Variants in UBAP2 observed in about 807,000 individuals in gnomAD.
UBAP2 encodes the protein ubiquitin-associated protein 2.
UBAP2 carries 75 observed loss-of-function variants against 139.6 expected under a neutral mutation model. The observed-to-expected ratio is 0.54, with a 90% CI of 0.45 to 0.65. The LOEUF (loss-of-function observed/expected upper bound fraction) is 0.65, where lower values mean the gene tolerates loss of function less well. Ranked by LOEUF, UBAP2 falls within the 30% of genes least tolerant of loss-of-function variation. The pLI is 0.00. For synonymous variants in UBAP2, 526 were observed against 526.2 expected, an observed-to-expected ratio of 1.00 and a Z score of 0.01; for missense variants, 1,368 against 1,369.6, an observed-to-expected ratio of 1.00 and a Z score of 0.02.
At position 33,924,215 on chromosome 9, in the gene UBAP2, G is replaced by GATT; in HGVS notation, c.2578_2580dup (p.Asn860dup). ...CATTGAGCAAACTCACCTGGATATGGATTATTAGCTAGGCTCCCATCTCGG... is the reference window on the plus strand; with the variant it reads ...CATTGAGCAAACTCACCTGGATATGGATTATTATTAGCTAGGCTCCCATCTCGG... On this transcript the variant is annotated inframe_insertion, in exon 23 of 29. Coordinates refer to ENST00000379238, the MANE Select transcript of UBAP2 (RefSeq NM_001370062.2). 6.2e-7 allele frequency: 1 copy of GATT among 1,614,196 alleles called. No individual in the cohort carries two copies. The highest frequency in any genetic ancestry group is 1.3e-5 in the African/African-American group (1 of 75,054).
At chr9:33,978,822 G>C (rs892745533) in intron 6 of UBAP2, among the ~76,000 whole-genome samples, 1 of 152,184 alleles carries the variant, frequency 6.6e-6, no homozygotes, top group African/African-American at 2.4e-5. Context: ...GAACTAATCT[G>C]AGTCACTAAA....
chr9:33,965,609 T>C (rs1237023285), intron 8 of UBAP2, among the ~76,000 whole-genome samples: 1 of 152,228 alleles, frequency 6.6e-6, no homozygotes, highest in African/African-American at 2.4e-5. Flanking sequence ...AGGGTAATTT[T>C]TGTATACAGT....
intron 12 of UBAP2, among the ~76,000 whole-genome samples, chr9:33,950,812 C>G (rs750143355): frequency 6.6e-6 from 1 of 152,190 alleles, no homozygotes; most frequent in Non-Finnish European, 1.5e-5. Flanking sequence ...CTGCCATGTC[C>G]TAGGTAATAC....
At chr9:33,955,512 T>G (rs759699957) in intron 11 of UBAP2, among the ~76,000 whole-genome samples, 10 of 135,176 alleles carry the variant, frequency 7.4e-5, no homozygotes, top group Non-Finnish European at 1.6e-4. Flanking sequence ...AGAGTGAGAC[T>G]CCGTCTCAAA....
intron 9 of UBAP2, among the ~76,000 whole-genome samples, chr9:33,962,556 G>A (rs575459539): frequency 1.1e-4 from 17 of 152,038 alleles, no homozygotes; most frequent in Non-Finnish European, 2.2e-4. Context: ...TGAGGCAGGA[G>A]AATCGTTTGA....
At chr9:33,935,075 C>G (rs307651) in intron 17 of UBAP2, among the ~76,000 whole-genome samples, 1 of 150,360 alleles carries the variant, frequency 6.7e-6, no homozygotes, top group Non-Finnish European at 1.5e-5. Flanking sequence ...TACTATAAAC[C>G]ATCAGTCAAG....
intron 2 of UBAP2, among the ~76,000 whole-genome samples, chr9:34,003,335 T>C (rs1007290320): frequency 6.7e-6 from 1 of 149,344 alleles, no homozygotes; most frequent in Non-Finnish European, 1.5e-5. Flanking sequence ...CAGGCTGAGG[T>C]CCATTCTTAT....
At chr9:34,024,998 A>C (rs902678032) in intron 1 of UBAP2, among the ~76,000 whole-genome samples, 1 of 152,084 alleles carries the variant, frequency 6.6e-6, no homozygotes, top group African/African-American at 2.4e-5. Context: ...AAAAAAAAAA[A>C]CTTCTGATAA....
intron 2 of UBAP2, among the ~76,000 whole-genome samples, chr9:34,003,058 T>A (rs1276766925): frequency 1.1e-5 from 1 of 92,456 alleles, no homozygotes; most frequent in African/African-American, 3.7e-5. Context: ...TTTCTTTCGT[T>A]GTTTTTTTTT....
chr9:33,933,442 G>C, intron 18 of UBAP2, 48 bp downstream of exon 18: 1 of 1,601,334 alleles, frequency 6.2e-7, no homozygotes, highest in South Asian at 1.1e-5. Context: ...GGAGCTCCAG[G>C]ACTTGCCCCA....
chr9:33,936,941 A>C (rs1237363950), intron 16 of UBAP2, among the ~76,000 whole-genome samples: 3 of 150,932 alleles, frequency 2.0e-5, no homozygotes, highest in Admixed American at 6.6e-5. Flanking sequence ...AAAAAAAAAA[A>C]AAAAAAAAAA....
intron 6 of UBAP2, among the ~76,000 whole-genome samples, chr9:33,985,061 A>T (rs1367333385): frequency 1.3e-5 from 2 of 152,218 alleles, no homozygotes; most frequent in Non-Finnish European, 2.9e-5. Context: ...ATGGAGATTT[A>T]TCAAAAACAA....
At chr9:33,991,059 A>C (rs578004067) in intron 4 of UBAP2, among the ~76,000 whole-genome samples, 42 of 152,154 alleles carry the variant, frequency 2.8e-4, no homozygotes, top group African/African-American at 9.4e-4. Flanking sequence ...CCAAAGCAGG[A>C]AGATCACTTG....
chr9:34,048,442 G>A (rs189911605), intron 1 of UBAP2, among the ~76,000 whole-genome samples: 1 of 152,320 alleles, frequency 6.6e-6, no homozygotes, highest in Admixed American at 6.5e-5. Context: ...AAGGTGATGA[G>A]ATGGGACCGA....
At position 33,981,120 on chromosome 9, in the gene UBAP2, A is replaced by T. The variant is rs1337733394; in HGVS notation, c.520+5640T>A. On this transcript the variant is annotated intron_variant, in intron 6 of 28. Transcript: ENST00000379238. ...ATATTCTGGATATATATATATATAT[A>T]TATATATATATATATATTCTGGATA... Among the ~76,000 whole-genome samples, 22 of 6,506 alleles carry T rather than the reference A, an allele frequency of 3.4e-3. 10 individuals carry two copies. The highest frequency in any genetic ancestry group is 8.3e-3 in the Non-Finnish European group (20 of 2,420). The allele number at this position is 6,506 out of a possible 152,430, so 4.3% of individuals were successfully genotyped here.
At chr9:34,005,491 T>C (rs1215174639) in intron 2 of UBAP2, among the ~76,000 whole-genome samples, 1 of 151,678 alleles carries the variant, frequency 6.6e-6, no homozygotes, top group South Asian at 2.1e-4. Flanking sequence ...TCTAAGTTTT[T>C]CTATTTCTTC....
chr9:34,007,896 C>T (rs902343839), intron 2 of UBAP2, among the ~76,000 whole-genome samples: 24 of 152,208 alleles, frequency 1.6e-4, no homozygotes, highest in African/African-American at 5.5e-4. Flanking sequence ...CCGCCTCGGC[C>T]TCCCAAAGTG....
At chr9:34,016,245 A>T (rs1180943861) in intron 2 of UBAP2, among the ~76,000 whole-genome samples, 1 of 17,064 alleles carries the variant, frequency 5.9e-5, no homozygotes, top group Non-Finnish European at 1.9e-4. Flanking sequence ...AAGGGGAGGA[A>T]GAGGAGGAGG....
At chr9:34,036,981 T>A (rs1564074741) in intron 1 of UBAP2, among the ~76,000 whole-genome samples, 1 of 84,478 alleles carries the variant, frequency 1.2e-5, no homozygotes. Context: ...CACACCCAGC[T>A]ATTTTTTTTT....
Sources: gnomAD v4.1 joint callset for allele counts (sites outside exome capture counted in the v4.1 genomes callset) on GRCh38, gnomAD v4.1.1 for gene constraint, MANE v1.5 for transcripts, NCBI Gene and HGNC (gene_info 2026-07-23, HGNC 2026-07-21) for gene names.